Variants in ASIC2 observed in about 807,000 individuals in gnomAD.
ASIC2 encodes the protein acid sensing ion channel subunit 2.
ASIC2 carries 25 observed loss-of-function variants against 57.3 expected under a neutral mutation model. The observed-to-expected ratio is 0.44, with a 90% CI of 0.32 to 0.61. The LOEUF (loss-of-function observed/expected upper bound fraction) is 0.61. Among genes scored for constraint, ASIC2 ranks in the 20% least tolerant of loss-of-function variants. The pLI, the probability that ASIC2 is intolerant of heterozygous loss-of-function variation, is 0.06. For missense variants in ASIC2, 641 were observed against 738.1 expected, an observed-to-expected ratio of 0.87 and a Z score of 1.52; for synonymous variants, 319 against 307.5, an observed-to-expected ratio of 1.04 and a Z score of -0.39.
At chr17:33,444,363 G>A (rs1372567701) in intron 1 of ASIC2, among the ~76,000 whole-genome samples, 1 of 152,218 alleles carries the variant, frequency 6.6e-6, no homozygotes, top group South Asian at 2.1e-4. Flanking sequence ...TGATGCCAGG[G>A]AATGTGTGGT....
At chr17:33,277,957 A>C (rs1904772876) in intron 1 of ASIC2, among the ~76,000 whole-genome samples, 1 of 152,206 alleles carries the variant, frequency 6.6e-6, no homozygotes. Context: ...AGTACAAAGA[A>C]CAAGCGAATG....
rs998164557 is a variant in ASIC2, at chr17:33,013,311, G to A, written c.*654C>T. On this transcript the variant is annotated 3_prime_UTR_variant, in exon 10 of 10. Transcript: ENST00000225823. ...AGCTGTGTCACAGGGAGAGAAGAAC[G>A]ACATGGGCACCATGGGTGAACACAG... is the stretch of plus-strand genomic sequence containing the variant. 2 of 153,454 alleles carry A rather than the reference G, an allele frequency of 1.3e-5. No individual in the cohort carries two copies. The highest frequency in any genetic ancestry group is 2.9e-5 in the Non-Finnish European group (2 of 68,716). The allele number at this position is 153,454 out of a possible 1,614,324, so 9.5% of individuals were successfully genotyped here.
At chr17:33,383,904 C>G (rs548276741) in intron 1 of ASIC2, among the ~76,000 whole-genome samples, 1 of 152,090 alleles carries the variant, frequency 6.6e-6, no homozygotes, top group East Asian at 1.9e-4. Flanking sequence ...AAGGGGGTGG[C>G]GTGACTTAGC....
intron 3 of ASIC2, among the ~76,000 whole-genome samples, chr17:33,071,986 C>T (rs1395506791): frequency 1.3e-5 from 2 of 152,128 alleles, no homozygotes; most frequent in African/African-American, 2.4e-5. Flanking sequence ...TCTCACATGC[C>T]TACCCCAATG....
At chr17:34,101,557 T>A (rs181366449) in intron 1 of ASIC2, among the ~76,000 whole-genome samples, 13 of 152,328 alleles carry the variant, frequency 8.5e-5, no homozygotes, top group African/African-American at 2.4e-4. Context: ...TTTAATGATT[T>A]AATAATATAT....
intron 1 of ASIC2, among the ~76,000 whole-genome samples, chr17:33,838,727 G>A (rs1197908160): frequency 6.6e-6 from 1 of 152,188 alleles, no homozygotes; most frequent in Non-Finnish European, 1.5e-5. Context: ...CTCTGGATCA[G>A]TGGTCTGCCA....
At chr17:33,117,188 T>C (rs1269988892) in intron 1 of ASIC2, among the ~76,000 whole-genome samples, 2 of 151,600 alleles carry the variant, frequency 1.3e-5, no homozygotes, top group Non-Finnish European at 2.9e-5. Flanking sequence ...CTTCTTTTTT[T>C]TTGAGACAGA....
In ASIC2 at chr17:33,663,028, T is replaced by C. The variant is rs147485610; in HGVS notation, c.555+492950A>G. ...TTGTTAGGTGACACCAGGCAACAGG[T>C]CTCCACACGCACTCGCATGCGCCTG... On this transcript the variant is annotated intron_variant, in intron 1 of 9. Coordinates refer to the ASIC2 transcript ENST00000359872. 6.3e-3 allele frequency among the ~76,000 whole-genome samples: 954 copies of C among 152,142 alleles called. 8 individuals carry two copies. Among genetic ancestry groups the C allele is most frequent in the Non-Finnish European group, 6.8e-3 (463 of 68,012 alleles).
At chr17:33,193,771 C>T (rs560873041) in intron 1 of ASIC2, among the ~76,000 whole-genome samples, 2 of 152,264 alleles carry the variant, frequency 1.3e-5, no homozygotes, top group South Asian at 4.2e-4. Context: ...AGGGTGGTCG[C>T]TGATGTTACT....
intron 1 of ASIC2, among the ~76,000 whole-genome samples, chr17:33,163,578 C>T (rs1017357862): frequency 6.6e-6 from 1 of 152,132 alleles, no homozygotes; most frequent in Non-Finnish European, 1.5e-5. Flanking sequence ...TCCAGACACG[C>T]TGTCACATTC....
intron 4 of ASIC2, among the ~76,000 whole-genome samples, chr17:33,027,181 T>A (rs1305958499): frequency 6.6e-6 from 1 of 152,098 alleles, no homozygotes; most frequent in Non-Finnish European, 1.5e-5. Flanking sequence ...CATTCTTCCA[T>A]CTTCAAAGTG....
chr17:33,537,226 A>G (rs1269705073), intron 1 of ASIC2, among the ~76,000 whole-genome samples: 2 of 152,064 alleles, frequency 1.3e-5, no homozygotes, highest in Non-Finnish European at 2.9e-5. Context: ...TGTTCCACCA[A>G]CATAGCTTGT....
intron 1 of ASIC2, among the ~76,000 whole-genome samples, chr17:33,874,155 C>T (rs866952201): frequency 6.6e-6 from 1 of 152,112 alleles, no homozygotes; most frequent in East Asian, 1.9e-4. Flanking sequence ...CTAGCGATGC[C>T]CTGGTGAAAA....
chr17:33,776,619 G>C (rs1368062461), intron 1 of ASIC2, among the ~76,000 whole-genome samples: 1 of 152,186 alleles, frequency 6.6e-6, no homozygotes, highest in African/African-American at 2.4e-5. Context: ...CTGGCCCTCT[G>C]TGAATCGAGG....
chr17:33,329,422 T>C (rs1907214543), intron 1 of ASIC2, among the ~76,000 whole-genome samples: 1 of 152,184 alleles, frequency 6.6e-6, no homozygotes, highest in Admixed American at 6.5e-5. Flanking sequence ...CTGCAGGGGA[T>C]AAGGAGGCCT....
At chr17:33,703,844 G>A (rs972879639) in intron 1 of ASIC2, among the ~76,000 whole-genome samples, 3 of 152,068 alleles carry the variant, frequency 2.0e-5, no homozygotes, top group Non-Finnish European at 4.4e-5. Context: ...CTCCCCCTTA[G>A]CTAGGTGGGC....
intron 1 of ASIC2, among the ~76,000 whole-genome samples, chr17:33,835,971 T>A (rs1160398658): frequency 6.6e-6 from 1 of 151,146 alleles, no homozygotes; most frequent in Non-Finnish European, 1.5e-5. Flanking sequence ...TTATATATTA[T>A]ATAATTATTA....
intron 1 of ASIC2, among the ~76,000 whole-genome samples, chr17:33,725,469 G>A (rs1310247288): frequency 1.3e-5 from 2 of 152,150 alleles, no homozygotes; most frequent in East Asian, 1.9e-4. Flanking sequence ...CTGATTGTCC[G>A]TCCCAGCTCT....
Position 33,345,257 on chromosome 17 carries a change from T to C in ASIC2, c.556-233190A>G, listed in dbSNP as rs538117213. On this transcript the variant is annotated intron_variant, in intron 1 of 9. Coordinates refer to the ASIC2 transcript ENST00000359872. ...AGTTTTTCCCCTTAGTAACATTCTT[T>C]GGTGCATTTCTCCAATAAATATTTA... Among the ~76,000 whole-genome samples the C allele has an allele frequency of 5.3e-5, 8 of 152,344 alleles. No individual in the cohort carries two copies. In the South Asian group the frequency reaches 1.7e-3, roughly 32 times the overall value.
Sources: gnomAD v4.1 joint callset for allele counts (sites outside exome capture counted in the v4.1 genomes callset) on GRCh38, gnomAD v4.1.1 for gene constraint, MANE v1.5 for transcripts, NCBI Gene and HGNC (gene_info 2026-07-23, HGNC 2026-07-21) for gene names.